The following KIRREL3 variants were observed in gnomAD, a reference collection of about 807,000 sequenced individuals.
KIRREL3 encodes kirre like nephrin family adhesion molecule 3.
A neutral mutation model predicts 89.7 loss-of-function variants in KIRREL3; 36 were observed. That is an observed-to-expected ratio of 0.40 (90% CI 0.31 to 0.53). The LOEUF is 0.53. KIRREL3 is among the 20% of genes least tolerant of loss of function. The pLI is 0.49. For missense variants in KIRREL3, 864 were observed against 1,056.6 expected, an observed-to-expected ratio of 0.82 and a Z score of 2.53; for synonymous variants, 445 against 441.4, an observed-to-expected ratio of 1.01 and a Z score of -0.10.
chr11:126,664,127 G>C lies in KIRREL3; in HGVS notation c.56-101215C>G, dbSNP rs534419092. Among the ~76,000 whole-genome samples, 4 of 152,318 alleles carry C rather than the reference G, an allele frequency of 2.6e-5. No homozygotes were observed. The highest frequency in any genetic ancestry group is 9.6e-5 in the African/African-American group (4 of 41,568). ...TTTCATTAAAATTTCCATTAATACTGGAGCTGTTTAGAGCAAGTTGAATGG... is the reference window on the plus strand; with the variant it reads ...TTTCATTAAAATTTCCATTAATACTCGAGCTGTTTAGAGCAAGTTGAATGG... On this transcript the variant is annotated intron_variant, in intron 1 of 16. Coordinates refer to ENST00000525144, the MANE Select transcript of KIRREL3 (RefSeq NM_032531.4). The surrounding 1 kb of genome is among the most constrained non-coding windows in gnomAD (Gnocchi z 5.4).
chr11:126,999,325 A>C lies in KIRREL3; in HGVS notation c.55+1130T>G, dbSNP rs1419325349. 6.6e-6 allele frequency among the ~76,000 whole-genome samples: 1 copy of C among 152,256 alleles called. No individual in the cohort carries two copies. The highest frequency in any genetic ancestry group is 2.4e-5 in the African/African-American group (1 of 41,468). On this transcript the variant is annotated intron_variant, in intron 1 of 16. Coordinates refer to ENST00000525144, the MANE Select transcript of KIRREL3 (RefSeq NM_032531.4). The surrounding 1 kb of genome is among the most constrained non-coding windows in gnomAD (Gnocchi z 5.7). ...CCACAAGCACGGGTGGAAGAGCAGA[A>C]GAAGGAAGCCAGGTTTTTGCTTATA...
intron 1 of KIRREL3, among the ~76,000 whole-genome samples, chr11:126,982,658 T>C (rs1949750785): frequency 6.6e-6 from 1 of 152,190 alleles, no homozygotes; most frequent in African/African-American, 2.4e-5. Context: ...CAGGCGTGAC[T>C]CTTTTCTAGC....
intron 1 of KIRREL3, among the ~76,000 whole-genome samples, chr11:126,998,448 A>G (rs1950232299): frequency 1.3e-5 from 2 of 152,178 alleles, no homozygotes; most frequent in Non-Finnish European, 2.9e-5. Flanking sequence ...CCTCTGGACC[A>G]GGTATCTACC....
Position 126,610,185 on chromosome 11 carries a change from G to A in KIRREL3, c.56-47273C>T, listed in dbSNP as rs1264150592. On this transcript the variant is annotated intron_variant, in intron 1 of 16. Transcript: ENST00000525144. This position sits in a 1 kb window ranked among gnomAD's most constrained non-coding sequence, Gnocchi z 4.6. ...GGCTCACTGCAACCTTCGCCTCCCAGGTTCAAGCGATTCTCCTGCCTCAGC... is the reference window on the plus strand; with the variant it reads ...GGCTCACTGCAACCTTCGCCTCCCAAGTTCAAGCGATTCTCCTGCCTCAGC... Among the ~76,000 whole-genome samples the A allele has an allele frequency of 6.6e-6, 1 of 152,066 alleles. No individual in the cohort carries two copies. The highest frequency in any genetic ancestry group is 2.4e-5 in the African/African-American group (1 of 41,408).
rs564098729 is a variant in KIRREL3 at position 126,764,176 on chromosome 11, C to A, written c.56-201264G>T. Among the ~76,000 whole-genome samples, 1 of 152,170 alleles carries A rather than the reference C, an allele frequency of 6.6e-6. No homozygotes were observed. Among genetic ancestry groups the A allele is most frequent in the Non-Finnish European group, 1.5e-5 (1 of 68,044 alleles). ...CCTGTCTAACCCACTCACCCACATA[C>A]CCTGGGGCAAAATGAAACATAACTC... is the stretch of plus-strand genomic sequence containing the variant. On this transcript the variant is annotated intron_variant, in intron 1 of 16. Transcript: ENST00000525144. This position sits in a 1 kb window ranked among gnomAD's most constrained non-coding sequence, Gnocchi z 4.2.
In KIRREL3 at chr11:126,990,822, G is replaced by A. The variant is rs1190087507; in HGVS notation, c.55+9633C>T. On this transcript the variant is annotated intron_variant, in intron 1 of 16. Transcript: ENST00000525144. The surrounding 1 kb of genome is among the most constrained non-coding windows in gnomAD (Gnocchi z 6.3). ...CTAGGATTTAGGGAACGCAACCACTGAGGGATTAAGTGGTGGTTTTGCTTT... is the reference window on the plus strand; with the variant it reads ...CTAGGATTTAGGGAACGCAACCACTAAGGGATTAAGTGGTGGTTTTGCTTT... 1.3e-5 allele frequency among the ~76,000 whole-genome samples: 2 copies of A among 152,206 alleles called. No individual in the cohort carries two copies. Among genetic ancestry groups the A allele is most frequent in the Non-Finnish European group, 2.9e-5 (2 of 68,048 alleles).
At chr11:126,770,011 A>G (rs1949969134) in intron 1 of KIRREL3, among the ~76,000 whole-genome samples, 1 of 152,172 alleles carries the variant, frequency 6.6e-6, no homozygotes, top group African/African-American at 2.4e-5. Flanking sequence ...TGCAGATCCC[A>G]TTAAAATATC....
rs1940672295 is a variant in KIRREL3, at chr11:126,568,364, G to A, written c.56-5452C>T. Among the ~76,000 whole-genome samples the A allele has an allele frequency of 6.6e-6, 1 of 152,218 alleles. No individual in the cohort carries two copies. ...GCCATACTCCAGGTGGGAGATGGTG[G>A]GCTTGCATCTGCTGCTTCTTCCTGC... On this transcript the variant is annotated intron_variant, in intron 1 of 16. Transcript: ENST00000525144. The surrounding 1 kb of genome is among the most constrained non-coding windows in gnomAD (Gnocchi z 4.6).
rs1430854823 is a variant in KIRREL3 at position 126,578,439 on chromosome 11, T to C, written c.56-15527A>G. On this transcript the variant is annotated intron_variant, in intron 1 of 16. Transcript: ENST00000525144. The surrounding 1 kb of genome is among the most constrained non-coding windows in gnomAD (Gnocchi z 4.9). ...CTTGGTCTTGGCGTGAACTTCCACA[T>C]GAACGTGACTCCGTGCCTACCTGCT... is the stretch of plus-strand genomic sequence containing the variant. 1.3e-5 allele frequency among the ~76,000 whole-genome samples: 2 copies of C among 152,194 alleles called. No homozygotes were observed. Among genetic ancestry groups the C allele is most frequent in the African/African-American group, 2.4e-5 (1 of 41,446 alleles).
At position 126,467,644 on chromosome 11, in the gene KIRREL3, T is replaced by TA. The variant is rs1406869571; in HGVS notation, c.592-4338dup. On this transcript the variant is annotated intron_variant, in intron 5 of 16. Coordinates refer to ENST00000525144, the MANE Select transcript of KIRREL3 (RefSeq NM_032531.4). ...TGCTGGGTCCCTTTTTTTTTTTTTT[T>TA]AAAAAATCATGGCTCTGCTTCCCCT... Among the ~76,000 whole-genome samples the TA allele has an allele frequency of 3.7e-3, 552 of 150,306 alleles. 3 individuals are homozygous for TA. The highest frequency in any genetic ancestry group is 0.013 in the African/African-American group (526 of 40,840).
rs1951285919 is a variant in KIRREL3, at chr11:126,808,791, G to A, written c.55+191664C>T. Among the ~76,000 whole-genome samples, 2 of 152,146 alleles carry A rather than the reference G, an allele frequency of 1.3e-5. No homozygotes were observed. The highest frequency in any genetic ancestry group is 2.4e-5 in the African/African-American group (1 of 41,428). Reference sequence around the variant, plus strand: ...GGAGAATATATTTTGCCATCTCAGTGCTTCTAGAAAAGATAAGGGGCTCTT... The same window carrying A: ...GGAGAATATATTTTGCCATCTCAGTACTTCTAGAAAAGATAAGGGGCTCTT... On this transcript the variant is annotated intron_variant, in intron 1 of 16. Transcript: ENST00000525144. The surrounding 1 kb of genome is among the most constrained non-coding windows in gnomAD (Gnocchi z 4.1).
chr11:126,429,037 C>A lies in KIRREL3; in HGVS notation c.1806+142G>T. ...ACATTTGTTGGCTGAGAGTGTGTGCCTCACCTATTGTGGGGTGGGCAGGGG... is the reference window on the plus strand; with the variant it reads ...ACATTTGTTGGCTGAGAGTGTGTGCATCACCTATTGTGGGGTGGGCAGGGG... On this transcript the variant is annotated intron_variant, in intron 15 of 16. Transcript: ENST00000525144. The surrounding 1 kb of genome is among the most constrained non-coding windows in gnomAD (Gnocchi z 5.2). 1 of 618,110 alleles carries A rather than the reference C, an allele frequency of 1.6e-6. No individual in the cohort carries two copies. The highest frequency in any genetic ancestry group is 2.9e-6 in the Non-Finnish European group (1 of 340,930). 38.3% of individuals were successfully genotyped at this position (618,110 alleles called of 1,614,324 possible). A position where few individuals can be genotyped will look rare whatever the true frequency, so the allele number is the denominator to read the frequency against.
chr11:126,449,317 C>T (rs375796204), intron 7 of KIRREL3, among the ~76,000 whole-genome samples, 160 bp from the exon 8 acceptor site: 9 of 152,322 alleles, frequency 5.9e-5, no homozygotes, highest in African/African-American at 1.7e-4. Flanking sequence ...GGGGCTACTT[C>T]AAGGGCTCAG....
At chr11:126,968,640 A>G (rs553978514) in intron 1 of KIRREL3, among the ~76,000 whole-genome samples, 2 of 152,368 alleles carry the variant, frequency 1.3e-5, no homozygotes, top group African/African-American at 2.4e-5. Flanking sequence ...CAAGTGCCCT[A>G]TTAAATGTGC....
intron 1 of KIRREL3, among the ~76,000 whole-genome samples, chr11:126,654,856 T>G (rs1945067047): frequency 6.6e-6 from 1 of 152,250 alleles, no homozygotes. Context: ...CTTTAAAGGC[T>G]TTGCTTCCCT....
rs1348673235 is a variant in KIRREL3, at chr11:126,953,379, G to A, written c.55+47076C>T. ...GATAGCATTAGGAGAAATACCTAAC[G>A]TAGATGAGGAGTCGATGGGTGCAGC... On this transcript the variant is annotated intron_variant, in intron 1 of 16. Coordinates refer to ENST00000525144, the MANE Select transcript of KIRREL3 (RefSeq NM_032531.4). The surrounding 1 kb of genome is among the most constrained non-coding windows in gnomAD (Gnocchi z 5.2). 3.9e-5 allele frequency among the ~76,000 whole-genome samples: 6 copies of A among 152,194 alleles called. No individual in the cohort carries two copies. Among genetic ancestry groups the A allele is most frequent in the South Asian group, 2.1e-4 (1 of 4,808 alleles).
At chr11:126,598,342 G>A (rs1942493842) in intron 1 of KIRREL3, among the ~76,000 whole-genome samples, 1 of 152,206 alleles carries the variant, frequency 6.6e-6, no homozygotes, top group Non-Finnish European at 1.5e-5. Context: ...TACCATTACA[G>A]TACTTTCATT....
In KIRREL3 at chr11:126,996,021, C is replaced by A. The variant is rs1950170698; in HGVS notation, c.55+4434G>T. ...TCTTAGAGCAATGTGAAGGCCTTGA[C>A]CCCACCCCACTCGTCCTCCCCCTAG... On this transcript the variant is annotated intron_variant, in intron 1 of 16. Transcript: ENST00000525144. The surrounding 1 kb of genome is among the most constrained non-coding windows in gnomAD (Gnocchi z 4.7). 6.6e-6 allele frequency among the ~76,000 whole-genome samples: 1 copy of A among 152,112 alleles called. No individual in the cohort carries two copies.
At chr11:126,631,124 T>TATTCATTCATTC (rs201430801) in intron 1 of KIRREL3, among the ~76,000 whole-genome samples, 10 of 106,658 alleles carry the variant, frequency 9.4e-5, no homozygotes, top group Admixed American at 2.2e-4. Flanking sequence ...TGTATGTATG[T>TATTCATTCATTC]ATTCATTCAT....
Sources: allele counts gnomAD v4.1 joint callset (sites outside exome capture counted in the v4.1 genomes callset), GRCh38; gene constraint gnomAD v4.1.1; non-coding constraint Gnocchi (gnomAD v3.1); transcripts MANE v1.5; gene names NCBI Gene and HGNC (gene_info 2026-07-23, HGNC 2026-07-21).